The following SWAP70 variants were observed in gnomAD, a reference collection of about 807,000 sequenced individuals.
SWAP70 encodes the protein switching B cell complex subunit SWAP70.
Under a neutral mutation model 80.2 loss-of-function variants are expected in SWAP70, and 34 were observed. The ratio of observed to expected loss-of-function variants is 0.42; its 90% CI spans 0.32 to 0.56. SWAP70 has a LOEUF of 0.56. Ranked by LOEUF, SWAP70 falls within the 20% of genes least tolerant of loss-of-function variation. SWAP70 has a pLI of 0.09. For missense variants in SWAP70, 578 were observed against 690.7 expected (o/e 0.84, Z 1.83); for synonymous variants, 239 against 238.5 (o/e 1.00, Z -0.02).
At chr11:9,674,480 G>T (rs1850461833) in intron 1 of SWAP70, among the ~76,000 whole-genome samples, 1 of 151,806 alleles carries the variant, frequency 6.6e-6, no homozygotes, top group Non-Finnish European at 1.5e-5. Flanking sequence ...CAGGAGGATT[G>T]CTTGAAGCCA....
At chr11:9,671,416 TTATAAATATA>T (rs1850382499) in intron 1 of SWAP70, among the ~76,000 whole-genome samples, 1 of 87,858 alleles carries the variant, frequency 1.1e-5, no homozygotes, top group South Asian at 4.2e-4. Context: ...AAAAATATAT[TTATAAATATA>T]TATATAAATA....
intron 1 of SWAP70, among the ~76,000 whole-genome samples, chr11:9,668,094 G>C (rs1303288693): frequency 6.6e-6 from 1 of 152,130 alleles, no homozygotes; most frequent in Non-Finnish European, 1.5e-5. Context: ...TCACCATGTT[G>C]GCTGGGCTCA....
Position 9,728,168 on chromosome 11 carries a change from A to G in SWAP70, c.758A>G (p.Asp253Gly). The G allele has an allele frequency of 6.2e-7, 1 of 1,612,142 alleles. No individual in the cohort carries two copies. The highest frequency in any genetic ancestry group is 8.5e-7 in the Non-Finnish European group (1 of 1,179,380). Residue 253 changes from aspartate (D) to glycine (G), a missense_variant, in exon 5 of 12, where the codon GAC becomes GGC. Coordinates refer to ENST00000318950, the MANE Select transcript of SWAP70 (RefSeq NM_015055.4). ...GAGGATCTGAAGGATAAGAAAGGAG[A>G]CATTCTCTTGGATGAAAATTGCTGT... is the stretch of plus-strand genomic sequence containing the variant. ...VSEDLKDKKG[D>G]ILLDENCCVE... is the part of the protein sequence containing the mutation.
chr11:9,724,637 T>C (rs201887183), intron 3 of SWAP70, 21 bp from the exon 4 acceptor site: 1 of 1,551,566 alleles, frequency 6.4e-7, no homozygotes, highest in African/African-American at 1.4e-5. Context: ...AGGAAATAAT[T>C]ATTTCACATT....
Position 9,724,884 on chromosome 11 carries a change from A to C in SWAP70, c.641A>C (p.Gln214Pro), listed in dbSNP as rs1203051046. 1 of 1,555,096 alleles carries C rather than the reference A, an allele frequency of 6.4e-7. No individual in the cohort carries two copies. The highest frequency in any genetic ancestry group is 8.8e-7 in the Non-Finnish European group (1 of 1,138,664). Residue 214 changes from glutamine to proline, a missense_variant and splice_region_variant, in exon 4 of 12, where the codon CAG becomes CCG. Transcript: ENST00000318950. ...FNELILDVLK[Q>P]GYMMKKGHRR... ...GAACTTATATTAGATGTGTTAAAGC[A>C]GGTAAGAATTCTGTTACTGTTTTTT...
chr11:9,740,454 G>GTCACAGCCAGA, intron 9 of SWAP70, 107 bp downstream of exon 9: 5 of 1,169,572 alleles, frequency 4.3e-6, no homozygotes, highest in Non-Finnish European at 5.1e-6. Flanking sequence ...TCTCTGCTCT[G>GTCACAGCCAGA]GCTGTGACTG....
At chr11:9,708,876 C>T (rs574996629) in intron 2 of SWAP70, among the ~76,000 whole-genome samples, 22 of 152,268 alleles carry the variant, frequency 1.4e-4, no homozygotes, top group Admixed American at 1.4e-3. Flanking sequence ...CTACTGAGTT[C>T]TACAAGCAGT....
intron 9 of SWAP70, among the ~76,000 whole-genome samples, chr11:9,744,841 G>A (rs897520355): frequency 6.6e-6 from 1 of 152,168 alleles, no homozygotes; most frequent in Non-Finnish European, 1.5e-5. Context: ...AGAGGTTGCA[G>A]TGAGCTGAGA....
intron 8 of SWAP70, among the ~76,000 whole-genome samples, chr11:9,738,783 C>A (rs1211444651): frequency 6.6e-6 from 1 of 151,756 alleles, no homozygotes; most frequent in Non-Finnish European, 1.5e-5. Context: ...ATTGCTTGAG[C>A]CCAGGAGTTC....
intron 1 of SWAP70, among the ~76,000 whole-genome samples, chr11:9,670,629 G>A (rs1850364168): frequency 6.6e-6 from 1 of 152,072 alleles, no homozygotes; most frequent in South Asian, 2.1e-4. Context: ...AACAAGAAAA[G>A]CAGAGGACCA....
chr11:9,671,786 T>A (rs1174482771), intron 1 of SWAP70, among the ~76,000 whole-genome samples: 4 of 76,708 alleles, frequency 5.2e-5, no homozygotes, highest in Non-Finnish European at 6.6e-5. Context: ...TAATATATTA[T>A]TATTTATAAA....
intron 1 of SWAP70, 102 bp from the exon 2 acceptor site, chr11:9,694,044 A>C (rs1405951466): frequency 2.6e-5 from 36 of 1,384,536 alleles, no homozygotes; most frequent in Non-Finnish European, 3.2e-5. Flanking sequence ...TTTATTTTCC[A>C]TCTTTCTCTA....
chr11:9,724,509 C>T, intron 3 of SWAP70, 149 bp from the exon 4 acceptor site: 1 of 605,322 alleles, frequency 1.7e-6, no homozygotes, highest in Non-Finnish European at 2.9e-6. Context: ...ACTTCTCTCC[C>T]TGTATTTTAG....
At chr11:9,679,607 G>A (rs1047878147) in intron 1 of SWAP70, among the ~76,000 whole-genome samples, 1 of 151,974 alleles carries the variant, frequency 6.6e-6, no homozygotes, top group Non-Finnish European at 1.5e-5. Flanking sequence ...GGAATTCTGA[G>A]GTCCTTTACC....
chr11:9,715,848 A>G (rs1851059573), intron 3 of SWAP70, among the ~76,000 whole-genome samples: 2 of 152,156 alleles, frequency 1.3e-5, no homozygotes, highest in South Asian at 4.1e-4. Flanking sequence ...CCAGAACTCA[A>G]CTTTTCCTGG....
At chr11:9,723,233 C>G (rs538045293) in intron 3 of SWAP70, among the ~76,000 whole-genome samples, 1 of 152,144 alleles carries the variant, frequency 6.6e-6, no homozygotes, top group East Asian at 1.9e-4. Flanking sequence ...ATAGGAGTGA[C>G]AGAGTTCAGA....
At chr11:9,671,007 C>T (rs1233432075) in intron 1 of SWAP70, among the ~76,000 whole-genome samples, 5 of 149,400 alleles carry the variant, frequency 3.3e-5, no homozygotes, top group Admixed American at 6.8e-5. Context: ...CCCACCTCGG[C>T]CTCCCAAAGT....
chr11:9,720,536 T>A (rs447601), intron 3 of SWAP70: 327,454 of 963,172 alleles, frequency 0.34, 56,177 homozygotes, highest in Non-Finnish European at 0.35. Flanking sequence ...GACATGGTCA[T>A]TCGGCTCTAC....
chr11:9,739,511 T>G (rs763050876), intron 8 of SWAP70, among the ~76,000 whole-genome samples: 9 of 152,212 alleles, frequency 5.9e-5, no homozygotes, highest in African/African-American at 9.7e-5. Context: ...CTAATGCAAG[T>G]GAAAATATTT....
Sources: gnomAD v4.1 joint callset for allele counts (sites outside exome capture counted in the v4.1 genomes callset) on GRCh38, gnomAD v4.1.1 for gene constraint, MANE v1.5 for transcripts, NCBI Gene and HGNC (gene_info 2026-07-23, HGNC 2026-07-21) for gene names.